The following CNTN4 variants were observed in gnomAD, a reference collection of about 807,000 sequenced individuals.
CNTN4 encodes contactin-4.
Under a neutral mutation model 122.5 loss-of-function variants are expected in CNTN4, and 77 were observed. The observed-to-expected ratio is 0.63, with a 90% CI of 0.52 to 0.76. CNTN4 has a LOEUF of 0.76. CNTN4 is among the 30% of genes least tolerant of loss of function. The pLI is 0.00. For missense variants in CNTN4, 1,256 were observed against 1,259.1 expected, an observed-to-expected ratio of 1.00 and a Z score of 0.04; for synonymous variants, 512 against 447.0, an observed-to-expected ratio of 1.15 and a Z score of -1.83.
At chr3:2,443,502 T>A (rs565366701) in intron 3 of CNTN4, among the ~76,000 whole-genome samples, 17 of 152,216 alleles carry the variant, frequency 1.1e-4, no homozygotes, top group Non-Finnish European at 2.5e-4. Context: ...TTAGCGTTAG[T>A]TCTAAAGAGT....
intron 4 of CNTN4, among the ~76,000 whole-genome samples, chr3:2,624,678 C>A (rs1468208799): frequency 7.1e-6 from 1 of 139,894 alleles, no homozygotes; most frequent in Non-Finnish European, 1.5e-5. Context: ...GTCTCCCAGG[C>A]TGGAGTGCAG....
chr3:2,314,420 C>G (rs142759693), intron 2 of CNTN4, among the ~76,000 whole-genome samples: 29 of 151,864 alleles, frequency 1.9e-4, no homozygotes, highest in African/African-American at 7.0e-4. Flanking sequence ...AAGAAACTGA[C>G]CTACATACAT....
intron 13 of CNTN4, among the ~76,000 whole-genome samples, chr3:2,930,839 C>T (rs981314821): frequency 1.3e-5 from 2 of 152,158 alleles, no homozygotes; most frequent in African/African-American, 4.8e-5. Context: ...AGCTAGCCCT[C>T]ACGGTGCTCA....
At chr3:2,736,677 G>A (rs1031954676) in intron 5 of CNTN4, among the ~76,000 whole-genome samples, 10 of 151,682 alleles carry the variant, frequency 6.6e-5, no homozygotes, top group Admixed American at 5.9e-4. Context: ...TGGTCAGGCT[G>A]GTCTTGAACT....
At chr3:2,324,824 C>T (rs1205619480) in intron 2 of CNTN4, among the ~76,000 whole-genome samples, 1 of 151,480 alleles carries the variant, frequency 6.6e-6, no homozygotes, top group Non-Finnish European at 1.5e-5. Flanking sequence ...TAGCCCCCAA[C>T]TTTCCAACCT....
At chr3:2,848,879 G>A (rs936406022) in intron 7 of CNTN4, among the ~76,000 whole-genome samples, 1 of 152,108 alleles carries the variant, frequency 6.6e-6, no homozygotes. Context: ...AGACGACATA[G>A]GTCTATTCCT....
chr3:2,518,473 G>A (rs1387096264), intron 3 of CNTN4, among the ~76,000 whole-genome samples: 1 of 152,068 alleles, frequency 6.6e-6, no homozygotes, highest in African/African-American at 2.4e-5. Context: ...AGAAAATTAG[G>A]AACATGTCTG....
intron 2 of CNTN4, among the ~76,000 whole-genome samples, chr3:2,168,809 T>A (rs1457883851): frequency 6.6e-6 from 1 of 152,142 alleles, no homozygotes; most frequent in African/African-American, 2.4e-5. Context: ...ATGTAATACT[T>A]GCAAGCAGAT....
At chr3:2,309,992 G>C (rs2042856398) in intron 2 of CNTN4, among the ~76,000 whole-genome samples, 1 of 152,100 alleles carries the variant, frequency 6.6e-6, no homozygotes, top group Non-Finnish European at 1.5e-5. Context: ...TGGTATGCTG[G>C]TGATGTTTAT....
chr3:3,005,901 T>A (rs1459309158), intron 14 of CNTN4, among the ~76,000 whole-genome samples: 1 of 151,462 alleles, frequency 6.6e-6, no homozygotes, highest in African/African-American at 2.4e-5. Flanking sequence ...TTTTTTTTTT[T>A]TTGAGACGGA....
At chr3:2,240,570 A>G (rs1200396031) in intron 2 of CNTN4, among the ~76,000 whole-genome samples, 1 of 152,144 alleles carries the variant, frequency 6.6e-6, no homozygotes, top group African/African-American at 2.4e-5. Context: ...ATATTAGAGT[A>G]AACCTACAAA....
At chr3:2,466,504 T>C (rs1190703733) in intron 3 of CNTN4, among the ~76,000 whole-genome samples, 1 of 152,188 alleles carries the variant, frequency 6.6e-6, no homozygotes, top group Non-Finnish European at 1.5e-5. Context: ...GGGAGGGCAG[T>C]AATTTTGTAA....
At chr3:2,339,103 A>C (rs2044079086) in intron 2 of CNTN4, 75 bp from the exon 3 acceptor site, 1 of 152,164 alleles carries the variant, frequency 6.6e-6, no homozygotes, top group Non-Finnish European at 1.5e-5. Flanking sequence ...GATTACAGGT[A>C]AGCATCACCT....
chr3:2,276,102 T>A lies in CNTN4; in HGVS notation c.-144-63076T>A, dbSNP rs189656266. 2.5e-3 allele frequency among the ~76,000 whole-genome samples: 385 copies of A among 152,178 alleles called. 3 individuals carry two copies. The highest frequency in any genetic ancestry group is 8.9e-3 in the African/African-American group (369 of 41,532). On this transcript the variant is annotated intron_variant, in intron 2 of 24. Coordinates refer to ENST00000418658, the MANE Select transcript of CNTN4 (RefSeq NM_175607.3). ...AACGTATATATGCAAATATGTTGAA[T>A]TCATGTCATATCTTTTTAACATTAT...
At chr3:2,217,416 AT>A (rs1373152003) in intron 2 of CNTN4, among the ~76,000 whole-genome samples, 1 of 152,206 alleles carries the variant, frequency 6.6e-6, no homozygotes, top group Admixed American at 6.5e-5. Flanking sequence ...AACAAGATTT[AT>A]TGCTGTCACC....
intron 3 of CNTN4, among the ~76,000 whole-genome samples, chr3:2,508,139 G>C (rs1476590204): frequency 6.6e-6 from 1 of 152,164 alleles, no homozygotes; most frequent in African/African-American, 2.4e-5. Context: ...ATTTTCTTAT[G>C]TGCGTCCATA....
chr3:2,223,764 A>G (rs185912982), intron 2 of CNTN4, among the ~76,000 whole-genome samples: 2 of 152,314 alleles, frequency 1.3e-5, no homozygotes, highest in East Asian at 3.9e-4. Context: ...ATTGTGGTAC[A>G]TGGTAGTATA....
At chr3:2,214,325 A>G (rs569930176) in intron 2 of CNTN4, among the ~76,000 whole-genome samples, 10 of 152,232 alleles carry the variant, frequency 6.6e-5, no homozygotes, top group African/African-American at 2.4e-4. Context: ...TTGTCTCTCA[A>G]TTTAGACACC....
intron 7 of CNTN4, among the ~76,000 whole-genome samples, chr3:2,846,103 C>T (rs74581246): frequency 6.6e-6 from 1 of 152,060 alleles, no homozygotes; most frequent in Non-Finnish European, 1.5e-5. Flanking sequence ...TTTTACAATG[C>T]TAATAAGATT....
Sources: allele counts gnomAD v4.1 joint callset (sites outside exome capture counted in the v4.1 genomes callset), GRCh38; gene constraint gnomAD v4.1.1; transcripts MANE v1.5; gene names NCBI Gene and HGNC (gene_info 2026-07-23, HGNC 2026-07-21).